The following ATP8A2 variants were observed in gnomAD, a reference collection of about 807,000 sequenced individuals.
ATP8A2 encodes the protein phospholipid-transporting ATPase IB.
A neutral mutation model predicts 165.6 loss-of-function variants in ATP8A2; 100 were observed. The ratio of observed to expected loss-of-function variants is 0.60; its 90% CI spans 0.51 to 0.71. The LOEUF (loss-of-function observed/expected upper bound fraction) is 0.71, where lower values mean the gene tolerates loss of function less well. ATP8A2 is among the 30% of genes least tolerant of loss of function. The pLI, the probability that ATP8A2 is intolerant of heterozygous loss-of-function variation, is 0.00. For synonymous variants in ATP8A2, 543 were observed against 548.8 expected (o/e 0.99, Z 0.15); for missense variants, 1,227 against 1,479.5 (o/e 0.83, Z 2.80).
intron 34 of ATP8A2, among the ~76,000 whole-genome samples, chr13:25,968,312 C>T (rs961336036): frequency 2.0e-5 from 3 of 152,164 alleles, no homozygotes; most frequent in African/African-American, 7.2e-5. Context: ...GACTGGGCTG[C>T]TCGGCCGACT....
intron 18 of ATP8A2, among the ~76,000 whole-genome samples, chr13:25,574,427 C>T (rs2039557111): frequency 6.6e-6 from 1 of 152,110 alleles, no homozygotes; most frequent in East Asian, 1.9e-4. Flanking sequence ...TGTTGTGTAC[C>T]AGCATGTTAC....
chr13:25,918,721 G>A (rs1305305144), intron 33 of ATP8A2, among the ~76,000 whole-genome samples: 1 of 152,198 alleles, frequency 6.6e-6, no homozygotes, highest in Non-Finnish European at 1.5e-5. Flanking sequence ...CCAAGGATAA[G>A]ATGATTTGGT....
intron 1 of ATP8A2, among the ~76,000 whole-genome samples, chr13:25,461,083 A>G (rs1181477967): frequency 6.6e-6 from 1 of 152,192 alleles, no homozygotes; most frequent in Non-Finnish European, 1.5e-5. Context: ...TTCTCTTTTC[A>G]TCTTCTCTGA....
At chr13:25,402,039 A>C (rs2033653859) in intron 1 of ATP8A2, among the ~76,000 whole-genome samples, 1 of 152,066 alleles carries the variant, frequency 6.6e-6, no homozygotes, top group African/African-American at 2.4e-5. Context: ...TAGTAAGTCA[A>C]ATAAGGGCTA....
intron 35 of ATP8A2, among the ~76,000 whole-genome samples, chr13:25,977,035 A>ACCCCCACCCCCACCCCCC (rs1956061363): frequency 1.6e-5 from 1 of 61,144 alleles, no homozygotes; most frequent in Admixed American, 1.8e-4. Context: ...ATCCACCCCC[A>ACCCCCACCCCCACCCCCC]CCCCCACCCC....
intron 24 of ATP8A2, among the ~76,000 whole-genome samples, chr13:25,618,808 A>G (rs957375078): frequency 6.6e-6 from 1 of 151,808 alleles, no homozygotes; most frequent in African/African-American, 2.4e-5. Context: ...ATAGAATAGC[A>G]TAGTCCTGGG....
intron 24 of ATP8A2, among the ~76,000 whole-genome samples, chr13:25,679,546 A>C (rs2137798134): frequency 6.6e-6 from 1 of 152,254 alleles, no homozygotes; most frequent in Non-Finnish European, 1.5e-5. Flanking sequence ...TCAGCACTAC[A>C]TGTTTATGTG....
At chr13:25,695,613 C>A (rs535110848) in intron 24 of ATP8A2, among the ~76,000 whole-genome samples, 1 of 152,274 alleles carries the variant, frequency 6.6e-6, no homozygotes, top group South Asian at 2.1e-4. Flanking sequence ...ATGTTCACGG[C>A]GTGTTCACCA....
chr13:25,859,494 G>A (rs533617076), intron 30 of ATP8A2, among the ~76,000 whole-genome samples: 26 of 152,000 alleles, frequency 1.7e-4, no homozygotes, highest in Non-Finnish European at 2.1e-4. Context: ...CAGGTGTAGC[G>A]GAGATGATGA....
chr13:25,831,451 G>A (rs1376779319), intron 28 of ATP8A2, among the ~76,000 whole-genome samples: 1 of 152,044 alleles, frequency 6.6e-6, no homozygotes, highest in African/African-American at 2.4e-5. Flanking sequence ...CTGAACTCGT[G>A]TTCCACCCGC....
chr13:25,738,346 C>A (rs961638356), intron 25 of ATP8A2, among the ~76,000 whole-genome samples: 6 of 131,548 alleles, frequency 4.6e-5, no homozygotes, highest in African/African-American at 1.1e-4. Context: ...CCCCTCCCCC[C>A]CCCCCACACA....
At chr13:25,482,261 T>C (rs1431390263) in intron 2 of ATP8A2, among the ~76,000 whole-genome samples, 1 of 152,170 alleles carries the variant, frequency 6.6e-6, no homozygotes, top group Non-Finnish European at 1.5e-5. Context: ...CCCCAGGAAC[T>C]CTGAGACTGA....
chr13:25,654,842 C>T (rs370389859), intron 24 of ATP8A2, among the ~76,000 whole-genome samples: 2 of 152,120 alleles, frequency 1.3e-5, no homozygotes, highest in East Asian at 3.9e-4. Flanking sequence ...TATTTTGATG[C>T]TGCTGTGATC....
intron 18 of ATP8A2, among the ~76,000 whole-genome samples, chr13:25,573,926 G>A (rs1272394582): frequency 1.3e-5 from 2 of 152,146 alleles, no homozygotes; most frequent in Non-Finnish European, 2.9e-5. Context: ...TCATATACTT[G>A]GTAATTTGAA....
intron 23 of ATP8A2, among the ~76,000 whole-genome samples, chr13:25,588,199 G>C (rs2039975524): frequency 6.6e-6 from 1 of 152,088 alleles, no homozygotes; most frequent in Non-Finnish European, 1.5e-5. Flanking sequence ...TGATCTTGGA[G>C]GTGCTTTACA....
At chr13:25,549,001 C>T (rs1229207122) in intron 10 of ATP8A2, among the ~76,000 whole-genome samples, 3 of 152,058 alleles carry the variant, frequency 2.0e-5, no homozygotes, top group Non-Finnish European at 4.4e-5. Context: ...TATTTGTATT[C>T]TTATCTTTGG....
chr13:25,542,183 C>T (rs990389654), intron 9 of ATP8A2, 137 bp downstream of exon 9: 4 of 954,972 alleles, frequency 4.2e-6, no homozygotes, highest in South Asian at 3.9e-5. Context: ...TAATTTAAAG[C>T]CTTCCTTAGA....
chr13:25,859,889 C>CT (rs1173570467), intron 30 of ATP8A2, among the ~76,000 whole-genome samples: 3 of 152,044 alleles, frequency 2.0e-5, no homozygotes, highest in East Asian at 1.9e-4. Context: ...GTTCTTACTC[C>CT]TTTTTTTAAA....
At position 25,675,742 on chromosome 13, in the gene ATP8A2, G is replaced by A. The variant is rs60224649; in HGVS notation, c.2212-23431G>A. On this transcript the variant is annotated intron_variant, in intron 24 of 36. Coordinates refer to ENST00000381655, the MANE Select transcript of ATP8A2 (RefSeq NM_016529.6). ...GAAGAGTATTGAAAATACTCTCCTG[G>A]GTTGTGCCGGTGTTCATGGGTTGGA... Among the ~76,000 whole-genome samples the A allele has an allele frequency of 0.019, 2,945 of 152,156 alleles. 204 individuals are homozygous for A. In the East Asian group the frequency reaches 0.24, roughly 12 times the overall value.
Sources: allele counts gnomAD v4.1 joint callset (sites outside exome capture counted in the v4.1 genomes callset), GRCh38; gene constraint gnomAD v4.1.1; transcripts MANE v1.5; gene names NCBI Gene and HGNC (gene_info 2026-07-23, HGNC 2026-07-21).